The following DNAJC1 variants were observed in gnomAD, a reference collection of about 807,000 sequenced individuals.
DNAJC1 encodes the protein dnaJ homolog subfamily C member 1.
A neutral mutation model predicts 76.6 loss-of-function variants in DNAJC1; 58 were observed. The ratio of observed to expected loss-of-function variants is 0.76; its 90% CI spans 0.61 to 0.94. The LOEUF (loss-of-function observed/expected upper bound fraction) is 0.94, where lower values mean the gene tolerates loss of function less well. Among genes scored for constraint, DNAJC1 ranks in the 40% least tolerant of loss-of-function variants. The probability of loss-of-function intolerance (pLI) is 0.00; values close to 1 mark genes in which losing one functional copy is unlikely to be tolerated. For synonymous variants in DNAJC1, 258 were observed against 267.9 expected (o/e 0.96, Z 0.36); for missense variants, 689 against 677.3 (o/e 1.02, Z -0.19).
chr10:21,811,671 T>A (rs944349311), intron 8 of DNAJC1, among the ~76,000 whole-genome samples: 4 of 152,220 alleles, frequency 2.6e-5, no homozygotes, highest in African/African-American at 9.6e-5. Flanking sequence ...AAGATCTGTA[T>A]CCCAATCTGT....
chr10:21,877,936 A>G (rs938367695), intron 8 of DNAJC1, among the ~76,000 whole-genome samples: 3 of 152,250 alleles, frequency 2.0e-5, no homozygotes, highest in African/African-American at 7.2e-5. Context: ...CTGCATTCTT[A>G]CAATAAACTA....
At chr10:21,850,215 C>T (rs1036419776) in intron 8 of DNAJC1, among the ~76,000 whole-genome samples, 1 of 152,058 alleles carries the variant, frequency 6.6e-6, no homozygotes, top group Non-Finnish European at 1.5e-5. Flanking sequence ...ATGTAGAAAA[C>T]TCTGAAGACC....
Position 21,837,889 on chromosome 10 carries a change from C to T in DNAJC1, c.979-31790G>A, listed in dbSNP as rs1334861735. On this transcript the variant is annotated intron_variant, in intron 8 of 11. Coordinates refer to ENST00000376980, the MANE Select transcript of DNAJC1 (RefSeq NM_022365.4). ...AGGGAGGTGGGGGGCAGCCCCCGCC[C>T]GGCCAGCCGCCCCGTCCGGGAGGGA... is the stretch of plus-strand genomic sequence containing the variant. Among the ~76,000 whole-genome samples the T allele has an allele frequency of 6.1e-5, 9 of 148,118 alleles. No individual in the cohort carries two copies. The South Asian group carries it at 1.5e-3, about 24-fold the overall frequency.
chr10:21,979,425 G>A (rs1045123035), intron 1 of DNAJC1, among the ~76,000 whole-genome samples: 1 of 152,072 alleles, frequency 6.6e-6, no homozygotes, highest in Non-Finnish European at 1.5e-5. Context: ...TAAGAACTAT[G>A]ATGCCAGGTT....
intron 1 of DNAJC1, among the ~76,000 whole-genome samples, chr10:21,936,885 T>A (rs1399999625): frequency 6.6e-6 from 1 of 152,100 alleles, no homozygotes; most frequent in African/African-American, 2.4e-5. Flanking sequence ...TGACATATAA[T>A]ATACAGAAAA....
At position 21,816,001 on chromosome 10, in the gene DNAJC1, C is replaced by T. The variant is rs550090894; in HGVS notation, c.979-9902G>A. Among the ~76,000 whole-genome samples, 9 of 151,686 alleles carry T rather than the reference C, an allele frequency of 5.9e-5. No individual in the cohort carries two copies. The East Asian group carries it at 1.8e-3, about 30-fold the overall frequency. The stretch of plus-strand genomic sequence containing the variant: ...TCAAGTGATCCGCCTGTATCGGCCT[C>T]CCAAAGTGCTGGGATTACAGGCATG... On this transcript the variant is annotated intron_variant, in intron 8 of 11. Transcript: ENST00000376980.
intron 9 of DNAJC1, among the ~76,000 whole-genome samples, chr10:21,776,448 T>C (rs1319405458): frequency 6.6e-6 from 1 of 152,222 alleles, no homozygotes; most frequent in African/African-American, 2.4e-5. Context: ...TGAAGTTCAT[T>C]ATTTTCATTT....
intron 8 of DNAJC1, among the ~76,000 whole-genome samples, chr10:21,809,284 T>C (rs1834928629): frequency 6.6e-6 from 1 of 152,014 alleles, no homozygotes. Flanking sequence ...GTTTATTGTA[T>C]TTTTATACTT....
chr10:21,829,375 G>A (rs1589999577), intron 8 of DNAJC1, among the ~76,000 whole-genome samples: 6 of 152,162 alleles, frequency 3.9e-5, no homozygotes, highest in South Asian at 4.1e-4. Flanking sequence ...CACTATGCCC[G>A]GCTAATTTCT....
chr10:21,770,646 G>A (rs547300570), intron 9 of DNAJC1, among the ~76,000 whole-genome samples: 75 of 152,072 alleles, frequency 4.9e-4, no homozygotes, highest in Non-Finnish European at 6.6e-4. Context: ...TGATCCGCCC[G>A]CCTCGGCCTC....
At chr10:21,812,411 C>G (rs1834982215) in intron 8 of DNAJC1, among the ~76,000 whole-genome samples, 1 of 152,092 alleles carries the variant, frequency 6.6e-6, no homozygotes, top group Admixed American at 6.6e-5. Flanking sequence ...TGAATGCTTT[C>G]TTGAAGTACG....
At chr10:21,895,083 G>A (rs954630082) in intron 7 of DNAJC1, among the ~76,000 whole-genome samples, 13 of 152,178 alleles carry the variant, frequency 8.5e-5, no homozygotes, top group Non-Finnish European at 1.8e-4. Context: ...AGTGAGAACC[G>A]ATGGTGCTAC....
At chr10:21,811,496 C>T (rs1172480512) in intron 8 of DNAJC1, among the ~76,000 whole-genome samples, 1 of 152,152 alleles carries the variant, frequency 6.6e-6, no homozygotes, top group African/African-American at 2.4e-5. Flanking sequence ...TTAGCAGTCT[C>T]CTATCAGTGT....
intron 1 of DNAJC1, among the ~76,000 whole-genome samples, chr10:21,998,354 C>T (rs1353530474): frequency 7.4e-6 from 1 of 135,032 alleles, no homozygotes; most frequent in Non-Finnish European, 1.5e-5. Context: ...CGCGCCACTG[C>T]ACTCCAGCCT....
chr10:21,992,922 T>A (rs1838349694), intron 1 of DNAJC1, among the ~76,000 whole-genome samples: 1 of 152,204 alleles, frequency 6.6e-6, no homozygotes, highest in South Asian at 2.1e-4. Flanking sequence ...ACATCCAGGC[T>A]AAGTAATCAA....
rs113347375 is a variant in DNAJC1, at chr10:21,779,512, C to G, written c.1099-13203G>C. On this transcript the variant is annotated intron_variant, in intron 9 of 11. Transcript: ENST00000376980. ...TCTGGAGTGGACCTCCAGCAAACTCCAGCAGATGTGCAGCTGAGGGTCCTG... is the reference window on the plus strand; with the variant it reads ...TCTGGAGTGGACCTCCAGCAAACTCGAGCAGATGTGCAGCTGAGGGTCCTG... Among the ~76,000 whole-genome samples, 8 of 152,330 alleles carry G rather than the reference C, an allele frequency of 5.3e-5. 1 individual carries two copies. Among genetic ancestry groups the G allele is most frequent in the African/African-American group, 1.9e-4 (8 of 41,582 alleles).
At chr10:21,967,955 A>G (rs902904650) in intron 1 of DNAJC1, among the ~76,000 whole-genome samples, 4 of 152,246 alleles carry the variant, frequency 2.6e-5, no homozygotes, top group Admixed American at 2.6e-4. Flanking sequence ...TGACAGCCAT[A>G]TATCTATACA....
At chr10:21,942,256 T>C (rs747722675) in intron 1 of DNAJC1, among the ~76,000 whole-genome samples, 1 of 152,110 alleles carries the variant, frequency 6.6e-6, no homozygotes, top group African/African-American at 2.4e-5. Context: ...TAATAAGTAA[T>C]GATAAAAGGT....
At chr10:21,771,939 T>C (rs976982576) in intron 9 of DNAJC1, among the ~76,000 whole-genome samples, 1 of 152,160 alleles carries the variant, frequency 6.6e-6, no homozygotes, top group Non-Finnish European at 1.5e-5. Flanking sequence ...TAAATGTTTT[T>C]TGTTTGTTTG....
Sources: allele counts gnomAD v4.1 joint callset (sites outside exome capture counted in the v4.1 genomes callset), GRCh38; gene constraint gnomAD v4.1.1; transcripts MANE v1.5; gene names NCBI Gene and HGNC (gene_info 2026-07-23, HGNC 2026-07-21).